TENM3: variants seen among roughly 807,000 people sequenced by gnomAD.
TENM3 encodes the protein teneurin-3.
In TENM3, 63 loss-of-function variants were observed where a neutral mutation model predicts 255.1. That is an observed-to-expected ratio of 0.25 (90% CI 0.20 to 0.30). TENM3 has a LOEUF of 0.30. TENM3 is among the 10% of genes least tolerant of loss of function. The pLI, the probability that TENM3 is intolerant of heterozygous loss-of-function variation, is 1.00. For missense variants in TENM3, 2,929 were observed against 3,461.1 expected (o/e 0.85, Z 3.86); for synonymous variants, 1,306 against 1,322.3 (o/e 0.99, Z 0.27).
At chr4:181,677,468 T>G in the TENM3 span, among the ~76,000 whole-genome samples, 1 of 152,158 alleles carries the variant, frequency 6.6e-6, no homozygotes, top group Non-Finnish European at 1.5e-5. Context: ...TCTAGTCTGC[T>G]AAGAAGTCCT....
intron 3 of TENM3, among the ~76,000 whole-genome samples, chr4:182,469,903 T>C (rs998984673): frequency 4.1e-5 from 6 of 147,250 alleles, no homozygotes; most frequent in Admixed American, 3.3e-4. Context: ...TTTAATGATA[T>C]TTTTTTCTGT....
At chr4:182,535,642 A>T (rs1419981910) in intron 3 of TENM3, among the ~76,000 whole-genome samples, 1 of 151,840 alleles carries the variant, frequency 6.6e-6, no homozygotes, top group Non-Finnish European at 1.5e-5. Context: ...CCAGAGACTG[A>T]GGTAGGAGGG....
At chr4:181,485,904 A>T in the TENM3 span, among the ~76,000 whole-genome samples, 1 of 152,148 alleles carries the variant, frequency 6.6e-6, no homozygotes, top group Non-Finnish European at 1.5e-5. Flanking sequence ...AAATGCAAAG[A>T]TTTCTCATTT....
At chr4:181,895,537 T>A in the TENM3 span, among the ~76,000 whole-genome samples, 3 of 72,360 alleles carry the variant, frequency 4.1e-5, no homozygotes, top group African/African-American at 3.3e-4. Context: ...GGCTGATTTT[T>A]TTTTTTTTTT....
the TENM3 span, among the ~76,000 whole-genome samples, chr4:181,750,188 T>C: frequency 6.6e-6 from 1 of 152,176 alleles, no homozygotes; most frequent in African/African-American, 2.4e-5. Flanking sequence ...CCTGAGCTAC[T>C]GGAAGGTGGC....
chr4:182,697,795 A>G (rs1238231908), intron 12 of TENM3: 1 of 152,020 alleles, frequency 6.6e-6, no homozygotes, highest in African/African-American at 2.4e-5. Context: ...AATTTTTAAA[A>G]GAAGAGGTCA....
At chr4:182,252,192 A>G (rs954718558) in intron 1 of TENM3, among the ~76,000 whole-genome samples, 1 of 152,098 alleles carries the variant, frequency 6.6e-6, no homozygotes, top group Non-Finnish European at 1.5e-5. Context: ...CAAAAAAAAA[A>G]AACAACAAAA....
At chr4:181,474,436 A>G in the TENM3 span, among the ~76,000 whole-genome samples, 2 of 152,094 alleles carry the variant, frequency 1.3e-5, no homozygotes, top group African/African-American at 4.8e-5. Context: ...TAGACTCCAG[A>G]TATGTAAAGA....
At chr4:181,513,671 C>A in the TENM3 span, among the ~76,000 whole-genome samples, 1 of 152,212 alleles carries the variant, frequency 6.6e-6, no homozygotes, top group Admixed American at 6.5e-5. Flanking sequence ...TGCTTCAACA[C>A]TATACACAAA....
At chr4:181,885,518 C>G in the TENM3 span, among the ~76,000 whole-genome samples, 3 of 152,146 alleles carry the variant, frequency 2.0e-5, no homozygotes, top group Admixed American at 6.5e-5. Context: ...GCCTCGGCCT[C>G]CCAAAGTGCT....
chr4:182,223,783 CAAAAAAAA>C (rs61535632), intron 1 of TENM3, among the ~76,000 whole-genome samples: 3 of 112,960 alleles, frequency 2.7e-5, no homozygotes, highest in Admixed American at 9.9e-5. Flanking sequence ...GATAGATTGG[CAAAAAAAA>C]AAAAAAAAAA....
At chr4:181,818,746 A>T in the TENM3 span, among the ~76,000 whole-genome samples, 1 of 151,826 alleles carries the variant, frequency 6.6e-6, no homozygotes, top group Non-Finnish European at 1.5e-5. Flanking sequence ...AGTAGCCAGG[A>T]TTACAGGTGC....
At chr4:182,304,283 G>C (rs1762009216) in intron 1 of TENM3, among the ~76,000 whole-genome samples, 1 of 152,006 alleles carries the variant, frequency 6.6e-6, no homozygotes, top group African/African-American at 2.4e-5. Flanking sequence ...TACGATCTTG[G>C]CTTACTGCAA....
chr4:181,806,582 C>T, the TENM3 span, among the ~76,000 whole-genome samples: 1 of 152,334 alleles, frequency 6.6e-6, no homozygotes, highest in East Asian at 1.9e-4. Context: ...ACCCTCCTGC[C>T]CTGTGAGGAA....
intron 3 of TENM3, among the ~76,000 whole-genome samples, chr4:182,359,846 T>C (rs1271064622): frequency 1.3e-5 from 2 of 151,688 alleles, no homozygotes; most frequent in Non-Finnish European, 2.9e-5. Flanking sequence ...CTGCTTTCTC[T>C]TGTGGGCATT....
the TENM3 span, among the ~76,000 whole-genome samples, chr4:181,815,690 C>T: frequency 6.6e-6 from 1 of 152,226 alleles, no homozygotes; most frequent in African/African-American, 2.4e-5. Context: ...CGAAGGCTGT[C>T]ATTTTCCAAG....
At chr4:182,158,435 A>G (rs1263502193) in intron 1 of TENM3, among the ~76,000 whole-genome samples, 1 of 152,234 alleles carries the variant, frequency 6.6e-6, no homozygotes, top group Non-Finnish European at 1.5e-5. Context: ...GGTCTCCAGC[A>G]GAGGCTGCCT....
At chr4:181,628,849 G>A in the TENM3 span, among the ~76,000 whole-genome samples, 1 of 151,764 alleles carries the variant, frequency 6.6e-6, no homozygotes, top group Non-Finnish European at 1.5e-5. Flanking sequence ...ACTTTAAAGT[G>A]TTTTTTTTCC....
At chr4:182,412,605 C>T (rs1478555823) in intron 3 of TENM3, among the ~76,000 whole-genome samples, 1 of 151,982 alleles carries the variant, frequency 6.6e-6, no homozygotes, top group Admixed American at 6.6e-5. Context: ...GTGGCTCACG[C>T]CTGTAATCCC....
Sources: gnomAD v4.1 joint callset for allele counts (sites outside exome capture counted in the v4.1 genomes callset) on GRCh38, gnomAD v4.1.1 for gene constraint, MANE v1.5 for transcripts, NCBI Gene and HGNC (gene_info 2026-07-23, HGNC 2026-07-21) for gene names.